The following TENM2 variants were observed in gnomAD, a reference collection of about 807,000 sequenced individuals.
TENM2 encodes teneurin-2.
In TENM2, 52 loss-of-function variants were observed where a neutral mutation model predicts 245.2. The observed-to-expected ratio is 0.21, with a 90% CI of 0.17 to 0.27. TENM2 has a LOEUF of 0.27. Among genes scored for constraint, TENM2 ranks in the 10% least tolerant of loss-of-function variants. The pLI is 1.00. For synonymous variants in TENM2, 1,363 were observed against 1,438.9 expected, an observed-to-expected ratio of 0.95 and a Z score of 1.19; for missense variants, 3,046 against 3,666.8, an observed-to-expected ratio of 0.83 and a Z score of 4.37.
At chr5:167,412,143 C>T (rs1762942439) in intron 2 of TENM2, among the ~76,000 whole-genome samples, 1 of 152,056 alleles carries the variant, frequency 6.6e-6, no homozygotes, top group Non-Finnish European at 1.5e-5. Context: ...CCTCTGGTTC[C>T]AGTGGGCTTT....
chr5:167,557,830 G>T (rs1003592291), intron 2 of TENM2, among the ~76,000 whole-genome samples: 1 of 152,072 alleles, frequency 6.6e-6, no homozygotes, highest in East Asian at 1.9e-4. Flanking sequence ...GAATTATCTG[G>T]CCCAACATGT....
chr5:168,137,119 AG>A (rs1294366613), intron 12 of TENM2, among the ~76,000 whole-genome samples: 5 of 152,222 alleles, frequency 3.3e-5, no homozygotes, highest in African/African-American at 1.2e-4. Flanking sequence ...AGAGAAAGAA[AG>A]GGTTAACCAA....
chr5:167,870,569 A>ATATATATG (rs372917707), intron 2 of TENM2, among the ~76,000 whole-genome samples: 142 of 142,424 alleles, frequency 1.0e-3, no homozygotes, highest in African/African-American at 1.6e-3. Flanking sequence ...ATATATATAT[A>ATATATATG]TGTGTGTGTA....
At chr5:167,810,743 C>T (rs760886271) in intron 2 of TENM2, among the ~76,000 whole-genome samples, 1 of 152,094 alleles carries the variant, frequency 6.6e-6, no homozygotes, top group Non-Finnish European at 1.5e-5. Flanking sequence ...AGTCAGAGGC[C>T]ACACTTGTCA....
At chr5:167,849,007 T>G (rs1018031051) in intron 2 of TENM2, among the ~76,000 whole-genome samples, 2 of 152,150 alleles carry the variant, frequency 1.3e-5, no homozygotes, top group African/African-American at 2.4e-5. Flanking sequence ...TTTAAGACAA[T>G]GAAAATGGAT....
intron 3 of TENM2, among the ~76,000 whole-genome samples, chr5:167,916,374 A>T (rs986674855): frequency 5.3e-5 from 8 of 152,114 alleles, no homozygotes; most frequent in Admixed American, 1.3e-4. Context: ...TCAGAGCCAA[A>T]GGACTTGGTT....
chr5:168,129,793 T>C (rs972214185), intron 12 of TENM2: 4 of 152,212 alleles, frequency 2.6e-5, no homozygotes, highest in Non-Finnish European at 5.9e-5. Flanking sequence ...CAGCATCAGT[T>C]CTCCTCCTTG....
At chr5:167,973,755 C>T (rs2151933969) in intron 4 of TENM2, among the ~76,000 whole-genome samples, 1 of 152,122 alleles carries the variant, frequency 6.6e-6, no homozygotes, top group Middle Eastern at 3.4e-3. Context: ...TCTGGACCAA[C>T]CAGAGTGAGA....
At chr5:167,646,286 G>A (rs1311974580) in intron 2 of TENM2, among the ~76,000 whole-genome samples, 2 of 145,116 alleles carry the variant, frequency 1.4e-5, no homozygotes, top group Non-Finnish European at 3.0e-5. Context: ...GTCACTCCAG[G>A]TAATGGGTTT....
At chr5:167,978,567 T>C (rs570284427) in intron 4 of TENM2, among the ~76,000 whole-genome samples, 5 of 152,016 alleles carry the variant, frequency 3.3e-5, no homozygotes, top group Non-Finnish European at 7.4e-5. Context: ...ATATCCAGAA[T>C]AGGCAAATTC....
At chr5:167,533,821 G>T (rs1771680198) in intron 2 of TENM2, among the ~76,000 whole-genome samples, 1 of 152,108 alleles carries the variant, frequency 6.6e-6, no homozygotes, top group South Asian at 2.1e-4. Context: ...GAAATGGAAA[G>T]GAAGATCTAG....
intron 3 of TENM2, among the ~76,000 whole-genome samples, chr5:167,923,176 T>A (rs1478584203): frequency 1.3e-5 from 2 of 152,026 alleles, no homozygotes; most frequent in South Asian, 2.1e-4. Context: ...ATACAAAAAA[T>A]TAACTGGGAG....
At chr5:167,977,473 A>G (rs1450144962) in intron 4 of TENM2, among the ~76,000 whole-genome samples, 2 of 152,198 alleles carry the variant, frequency 1.3e-5, no homozygotes, top group African/African-American at 4.8e-5. Flanking sequence ...AAAAAATGTC[A>G]TGGATCGATA....
chr5:168,007,423 C>G (rs1784908857), intron 5 of TENM2, among the ~76,000 whole-genome samples: 1 of 152,328 alleles, frequency 6.6e-6, no homozygotes, highest in Non-Finnish European at 1.5e-5. Context: ...GCCACCACAC[C>G]CAGCCAGGCT....
chr5:167,435,314 T>C lies in TENM2; in HGVS notation c.502+59841T>C, dbSNP rs577471390. On this transcript the variant is annotated intron_variant, in intron 2 of 28. Transcript: ENST00000518659. The stretch of plus-strand genomic sequence containing the variant: ...GTAGGAGGAACCTGGTGGGATGTGT[T>C]TGAATTATGGGGGCAAGTCTTTCCT... 6.6e-5 allele frequency among the ~76,000 whole-genome samples: 10 copies of C among 152,276 alleles called. No individual in the cohort carries two copies. The South Asian group carries it at 1.7e-3, about 25-fold the overall frequency.
chr5:167,261,517 T>A, the TENM2 span, among the ~76,000 whole-genome samples: 11 of 152,126 alleles, frequency 7.2e-5, no homozygotes, highest in East Asian at 1.9e-4. Flanking sequence ...CATCATCATC[T>A]TCTTCATCAT....
At chr5:167,445,332 T>TAGAG (rs71591182) in intron 2 of TENM2, among the ~76,000 whole-genome samples, 222 of 76,932 alleles carry the variant, frequency 2.9e-3, no homozygotes, top group Middle Eastern at 0.017. Context: ...TATATATATA[T>TAGAG]ATATAGAGAG....
chr5:167,958,331 G>A (rs2151871503), intron 4 of TENM2, among the ~76,000 whole-genome samples: 1 of 152,088 alleles, frequency 6.6e-6, no homozygotes, highest in South Asian at 2.1e-4. Context: ...CATTTGCTTG[G>A]TAGACATTCC....
At chr5:167,444,859 A>T (rs1765070219) in intron 2 of TENM2, among the ~76,000 whole-genome samples, 1 of 152,170 alleles carries the variant, frequency 6.6e-6, no homozygotes, top group Non-Finnish European at 1.5e-5. Flanking sequence ...AACGGCCCCC[A>T]AGCAAGTGTG....
Sources: allele counts gnomAD v4.1 joint callset (sites outside exome capture counted in the v4.1 genomes callset), GRCh38; gene constraint gnomAD v4.1.1; transcripts MANE v1.5; gene names NCBI Gene and HGNC (gene_info 2026-07-23, HGNC 2026-07-21).